The following SCARB2 variants were observed in gnomAD, a reference collection of about 807,000 sequenced individuals.
SCARB2 encodes scavenger receptor class B member 2.
SCARB2 carries 29 observed loss-of-function variants against 58.6 expected under a neutral mutation model. The observed-to-expected ratio is 0.49, with a 90% CI of 0.37 to 0.67. The LOEUF (loss-of-function observed/expected upper bound fraction) is 0.67. Among genes scored for constraint, SCARB2 ranks in the 30% least tolerant of loss-of-function variants. SCARB2 has a pLI of 0.00. For synonymous variants in SCARB2, 195 were observed against 210.1 expected, an observed-to-expected ratio of 0.93 and a Z score of 0.62; for missense variants, 488 against 578.5, an observed-to-expected ratio of 0.84 and a Z score of 1.60.
chr4:76,176,786 G>T (rs984115990), intron 4 of SCARB2: 1 of 367,670 alleles, frequency 2.7e-6, no homozygotes, highest in Admixed American at 4.6e-5. Flanking sequence ...TTCTCCTCAA[G>T]ACTGCAACAT....
intron 2 of SCARB2, among the ~76,000 whole-genome samples, chr4:76,191,283 A>G (rs1356972370): frequency 6.6e-6 from 1 of 152,224 alleles, no homozygotes; most frequent in Non-Finnish European, 1.5e-5. Flanking sequence ...GTTCATCTTT[A>G]TAATTCTACA....
Position 76,188,842 on chromosome 4 carries a change from C to T in SCARB2, c.275+6865G>A, listed in dbSNP as rs116019222. Among the ~76,000 whole-genome samples, 1,020 of 152,302 alleles carry T rather than the reference C, an allele frequency of 6.7e-3. 12 individuals are homozygous for T. The highest frequency in any genetic ancestry group is 8.5e-3 in the Non-Finnish European group (578 of 68,032). On this transcript the variant is annotated intron_variant, in intron 2 of 11. Coordinates refer to ENST00000264896, the MANE Select transcript of SCARB2 (RefSeq NM_005506.4). ...GTTTTTCTACAAATCCCAGATCTCA[C>T]GACCCACTCAGCCCTGTAAGGAGCT...
chr4:76,165,606 G>T (rs1731990881), intron 10 of SCARB2: 1 of 151,996 alleles, frequency 6.6e-6, no homozygotes. Flanking sequence ...ATATTATCAG[G>T]CTGACACAGA....
chr4:76,216,872 T>G (rs920145983), upstream of SCARB2, among the ~76,000 whole-genome samples: 27 of 152,246 alleles, frequency 1.8e-4, no homozygotes, highest in Non-Finnish European at 1.3e-4. Flanking sequence ...TTTAAGAAAA[T>G]AATGTATGTT....
At chr4:76,172,982 T>C (rs561650625) in intron 7 of SCARB2, 1 of 152,262 alleles carries the variant, frequency 6.6e-6, no homozygotes, top group African/African-American at 2.4e-5. Context: ...CCGCCAGGGA[T>C]CTGCTCAGAG....
intron 3 of SCARB2, 47 bp from the exon 4 acceptor site, chr4:76,179,752 C>T: frequency 7.1e-7 from 1 of 1,398,976 alleles, no homozygotes; most frequent in Non-Finnish European, 1.0e-6. Context: ...CTCCAAAGCA[C>T]CTCCATCCAC....
At chr4:76,179,770 T>G in intron 3 of SCARB2, 65 bp from the exon 4 acceptor site, 1 of 1,192,370 alleles carries the variant, frequency 8.4e-7, no homozygotes, top group Non-Finnish European at 1.2e-6. Context: ...CACTCTCTCC[T>G]ACTACCCCAT....
chr4:76,174,884 T>C (rs1732215744), intron 6 of SCARB2: 1 of 162,176 alleles, frequency 6.2e-6, no homozygotes, highest in Admixed American at 5.9e-5. Context: ...CTGCCTTTCA[T>C]TCTTACTGAT....
At position 76,174,321 on chromosome 4, in the gene SCARB2, GATGTA is replaced by G; in HGVS notation, c.825-13_825-9del. ...AAAGTAATATACACTGACCTGTTAG[GATGTA>G]AGAATAAAAAGTGAATGTGGACTCT... On this transcript the variant is annotated splice_polypyrimidine_tract_variant and intron_variant, in intron 6 of 11. Transcript: ENST00000264896. 5 of 1,613,726 alleles carry G rather than the reference GATGTA, an allele frequency of 3.1e-6. No individual in the cohort carries two copies. Among genetic ancestry groups the G allele is most frequent in the Non-Finnish European group, 4.2e-6 (5 of 1,179,680 alleles).
intron 6 of SCARB2, 133 bp downstream of exon 6, chr4:76,175,658 A>G (rs1732237506): frequency 9.5e-7 from 1 of 1,053,368 alleles, no homozygotes; most frequent in South Asian, 1.4e-5. Context: ...TCGATGTGCC[A>G]TCAGCATTTA....
At chr4:76,218,346 C>G (rs753871409), upstream of SCARB2, among the ~76,000 whole-genome samples, 1 of 152,236 alleles carries the variant, frequency 6.6e-6, no homozygotes, top group South Asian at 2.1e-4. Flanking sequence ...TCCTCCCCTA[C>G]CCATCATTCC....
chr4:76,219,489 C>T lies in SCARB2; in HGVS notation c.-358+14814G>A, dbSNP rs572840559. Among the ~76,000 whole-genome samples, 21 of 152,258 alleles carry T rather than the reference C, an allele frequency of 1.4e-4. 1 individual carries two copies. In the South Asian group the frequency reaches 4.1e-3, roughly 30 times the overall value. ...GTGAAATATCAAGGCTGTCTGATTT[C>T]CTGCATGTTGTGAAATCAGGGCTAA... On this transcript the variant is annotated intron_variant, in intron 1 of 11. Coordinates refer to the SCARB2 transcript ENST00000638295.
At chr4:76,202,207 A>G (rs1240593121) in intron 1 of SCARB2, among the ~76,000 whole-genome samples, 1 of 152,178 alleles carries the variant, frequency 6.6e-6, no homozygotes, top group Non-Finnish European at 1.5e-5. Context: ...GTTGCCTCCA[A>G]TTTCTATTCA....
chr4:76,223,183 A>G (rs561148977), intron 1 of SCARB2, among the ~76,000 whole-genome samples: 2 of 152,282 alleles, frequency 1.3e-5, no homozygotes, highest in South Asian at 4.1e-4. Flanking sequence ...AATGAAAACT[A>G]CCTTCCTTGG....
At chr4:76,214,765 A>C (rs901707188), upstream of SCARB2, among the ~76,000 whole-genome samples, 7 of 152,230 alleles carry the variant, frequency 4.6e-5, no homozygotes, top group Non-Finnish European at 1.0e-4. Flanking sequence ...TACTCATTTA[A>C]TACCCTTGGC....
At chr4:76,179,922 T>C (rs1732344649) in intron 3 of SCARB2, 1 of 593,832 alleles carries the variant, frequency 1.7e-6, no homozygotes, top group East Asian at 2.9e-5. Context: ...AAGTGTAATA[T>C]TTACAAAGAG....
intron 1 of SCARB2, among the ~76,000 whole-genome samples, chr4:76,230,915 G>GA (rs1424079081): frequency 6.6e-6 from 1 of 152,172 alleles, no homozygotes; most frequent in Non-Finnish European, 1.5e-5. Context: ...TAATTGGCAG[G>GA]AATCAGCCAC....
intron 1 of SCARB2, among the ~76,000 whole-genome samples, chr4:76,205,680 G>A (rs756430208): frequency 9.2e-5 from 14 of 152,180 alleles, no homozygotes; most frequent in Non-Finnish European, 1.6e-4. Context: ...GAAGGGGCCA[G>A]ATGGCTAGGG....
chr4:76,191,759 C>CCTCCCTCT (rs1293435185), intron 2 of SCARB2: 2 of 141,070 alleles, frequency 1.4e-5, no homozygotes, highest in Non-Finnish European at 3.0e-5. Context: ...TCCCTCCCTC[C>CCTCCCTCT]CTGTCTTTCT....
Sources: gnomAD v4.1 joint callset for allele counts (sites outside exome capture counted in the v4.1 genomes callset) on GRCh38, gnomAD v4.1.1 for gene constraint, MANE v1.5 for transcripts, NCBI Gene and HGNC (gene_info 2026-07-23, HGNC 2026-07-21) for gene names.